Variants in TNFRSF1B observed in about 807,000 individuals in gnomAD.
TNFRSF1B encodes TNF receptor superfamily member 1B, also known as tumor necrosis factor receptor superfamily member 1B.
In TNFRSF1B, 19 loss-of-function variants were observed where a neutral mutation model predicts 44.6. The observed-to-expected ratio is 0.43, with a 90% CI of 0.30 to 0.62. The LOEUF (loss-of-function observed/expected upper bound fraction) is 0.62, where lower values mean the gene tolerates loss of function less well. TNFRSF1B is among the 20% of genes least tolerant of loss of function. The pLI is 0.16. For synonymous variants in TNFRSF1B, 252 were observed against 261.1 expected (o/e 0.97, Z 0.34); for missense variants, 541 against 619.9 (o/e 0.87, Z 1.35).
intron 1 of TNFRSF1B, among the ~76,000 whole-genome samples, chr1:12,182,921 G>A (rs1295014931): frequency 6.6e-6 from 1 of 152,190 alleles, no homozygotes; most frequent in East Asian, 1.9e-4. Context: ...GGAGTCCTGG[G>A]TCTGTGTGGA....
chr1:12,171,575 C>T lies in TNFRSF1B; in HGVS notation c.78+4406C>T, dbSNP rs1328432503. Among the ~76,000 whole-genome samples the T allele has an allele frequency of 6.6e-6, 1 of 152,204 alleles. No homozygotes were observed. Among genetic ancestry groups the T allele is most frequent in the Non-Finnish European group, 1.5e-5 (1 of 68,042 alleles). On this transcript the variant is annotated intron_variant, in intron 1 of 9. Transcript: ENST00000376259. The surrounding 1 kb of genome is among the most constrained non-coding windows in gnomAD (Gnocchi z 4.5). ...TCTATTTATTTCACTTTTATTATGT[C>T]TTCCCACAAGATTGTAAGTACCGTG...
chr1:12,198,135 A>AG (rs913551991), intron 8 of TNFRSF1B, among the ~76,000 whole-genome samples: 4 of 151,930 alleles, frequency 2.6e-5, no homozygotes, highest in African/African-American at 9.7e-5. Flanking sequence ...AAAAAAAAAA[A>AG]AAAAAACCAA....
At chr1:12,182,865 G>A (rs566575963) in intron 1 of TNFRSF1B, among the ~76,000 whole-genome samples, 69 of 152,362 alleles carry the variant, frequency 4.5e-4, no homozygotes, top group African/African-American at 1.5e-3. Flanking sequence ...GAGGCTGCAT[G>A]GTGGGAGGAG....
chr1:12,174,303 A>G (rs1379945455), intron 1 of TNFRSF1B, among the ~76,000 whole-genome samples: 2 of 148,846 alleles, frequency 1.3e-5, no homozygotes, highest in Non-Finnish European at 3.0e-5. Flanking sequence ...GCTGGAGTGC[A>G]GTGGCGTGAT....
chr1:12,176,751 G>A (rs1638665246), intron 1 of TNFRSF1B, among the ~76,000 whole-genome samples: 1 of 152,220 alleles, frequency 6.6e-6, no homozygotes, highest in Admixed American at 6.5e-5. Context: ...AGAGACTGGA[G>A]GCAGGGAGGC....
chr1:12,184,424 G>C (rs1318936625), intron 1 of TNFRSF1B, among the ~76,000 whole-genome samples: 3 of 152,012 alleles, frequency 2.0e-5, no homozygotes, highest in Non-Finnish European at 4.4e-5. Context: ...GCCAGCTACT[G>C]GGGGCTGGAG....
intron 9 of TNFRSF1B, among the ~76,000 whole-genome samples, chr1:12,205,829 T>C (rs1189026936): frequency 6.6e-6 from 1 of 151,926 alleles, no homozygotes; most frequent in Admixed American, 6.5e-5. Context: ...AGTTTCACCA[T>C]GTTGGCCAGG....
At position 12,202,023 on chromosome 1, in the gene TNFRSF1B, G is replaced by T; in HGVS notation, c.957G>T (p.Leu319=). Residue 319 remains leucine (L), a synonymous_variant, in exon 9 of 10, where the codon CTG becomes CTT. Coordinates refer to ENST00000376259, the MANE Select transcript of TNFRSF1B (RefSeq NM_001066.3). The part of the protein sequence containing the change: ...RGTQGPEQQH[L]LITAPSSSSS... ...CACAGGGCCCCGAGCAGCAGCACCT[G>T]CTGATCACAGCGCCGAGCTCCAGCA... The T allele has an allele frequency of 6.2e-7, 1 of 1,612,680 alleles. No homozygotes were observed. The highest frequency in any genetic ancestry group is 1.1e-5 in the South Asian group (1 of 90,782).
intron 7 of TNFRSF1B, among the ~76,000 whole-genome samples, chr1:12,194,334 G>A (rs1182195813): frequency 6.6e-6 from 1 of 152,134 alleles, no homozygotes; most frequent in African/African-American, 2.4e-5. Flanking sequence ...CTTGATGGGT[G>A]GAGTCTGTGC....
At chr1:12,205,409 T>C (rs929651398) in intron 9 of TNFRSF1B, among the ~76,000 whole-genome samples, 1 of 151,912 alleles carries the variant, frequency 6.6e-6, no homozygotes, top group Middle Eastern at 3.2e-3. Context: ...TGGTAGGCTG[T>C]AGCAAGGACT....
chr1:12,179,071 T>C (rs1638730146), intron 1 of TNFRSF1B, among the ~76,000 whole-genome samples: 1 of 151,988 alleles, frequency 6.6e-6, no homozygotes, highest in African/African-American at 2.4e-5. Context: ...GACTCAGGGT[T>C]CCTTGCAGGC....
chr1:12,174,140 C>A (rs1638583509), intron 1 of TNFRSF1B, among the ~76,000 whole-genome samples: 1 of 78,662 alleles, frequency 1.3e-5, no homozygotes, highest in South Asian at 4.3e-4. Flanking sequence ...TCTTCTTCTT[C>A]TTCTTCTTCT....
rs1236934556 is a variant in TNFRSF1B, at chr1:12,171,812, G to A, written c.78+4643G>A. 6.6e-6 allele frequency among the ~76,000 whole-genome samples: 1 copy of A among 152,212 alleles called. No homozygotes were observed. Among genetic ancestry groups the A allele is most frequent in the Non-Finnish European group, 1.5e-5 (1 of 68,034 alleles). On this transcript the variant is annotated intron_variant, in intron 1 of 9. Transcript: ENST00000376259. This position sits in a 1 kb window ranked among gnomAD's most constrained non-coding sequence, Gnocchi z 4.5. ...ATTGCTAAGTGTCCTTTGGGGTTGG[G>A]GGATTGCCCCTGATTGAGAACCACT...
chr1:12,172,330 T>C (rs537549000), intron 1 of TNFRSF1B, among the ~76,000 whole-genome samples: 3 of 152,354 alleles, frequency 2.0e-5, no homozygotes, highest in African/African-American at 7.2e-5. Flanking sequence ...TTACTGGCTG[T>C]GTGACCTGGG....
intron 8 of TNFRSF1B, among the ~76,000 whole-genome samples, chr1:12,198,792 A>AC (rs2101119734): frequency 6.8e-6 from 1 of 146,546 alleles, no homozygotes; most frequent in South Asian, 2.1e-4. Context: ...CCGGGTTCAC[A>AC]CCATTCTCCT....
rs1385129700 is a variant in TNFRSF1B, at chr1:12,177,867, T to G, written c.78+10698T>G. ...GTGCAATGCGCAAGAGACCGATGCA[T>G]TAACTACACAGAGTGCCCTTCCTTG... On this transcript the variant is annotated intron_variant, in intron 1 of 9. Transcript: ENST00000376259. This position sits in a 1 kb window ranked among gnomAD's most constrained non-coding sequence, Gnocchi z 4.3. Among the ~76,000 whole-genome samples the G allele has an allele frequency of 6.6e-6, 1 of 151,908 alleles. No homozygotes were observed.
intron 1 of TNFRSF1B, among the ~76,000 whole-genome samples, chr1:12,173,609 G>A (rs1478291389): frequency 6.6e-6 from 1 of 152,200 alleles, no homozygotes; most frequent in Non-Finnish European, 1.5e-5. Flanking sequence ...CTGTAGGCAG[G>A]CGCTGCAGAG....
At chr1:12,175,134 C>T (rs1432381766) in intron 1 of TNFRSF1B, among the ~76,000 whole-genome samples, 8 of 152,194 alleles carry the variant, frequency 5.3e-5, no homozygotes, top group Admixed American at 1.3e-4. Flanking sequence ...ATCTTCCGAG[C>T]TGTCAGCGGG....
chr1:12,167,479 G>A (rs1638419595), intron 1 of TNFRSF1B: 2 of 430,786 alleles, frequency 4.6e-6, no homozygotes, highest in Non-Finnish European at 4.3e-6. Flanking sequence ...GCTGAGCAGC[G>A]GGTCCTGGGC....
Sources: gnomAD v4.1 joint callset for allele counts (sites outside exome capture counted in the v4.1 genomes callset) on GRCh38, gnomAD v4.1.1 for gene constraint, Gnocchi (gnomAD v3.1) non-coding constraint, MANE v1.5 for transcripts, NCBI Gene and HGNC (gene_info 2026-07-23, HGNC 2026-07-21) for gene names.